Variants in NYAP2 observed in about 807,000 individuals in gnomAD.
NYAP2 encodes neuronal tyrosine-phosphorylated phosphoinositide-3-kinase adapter 2.
In NYAP2, 23 loss-of-function variants were observed where a neutral mutation model predicts 50.4. That is an observed-to-expected ratio of 0.46 (90% CI 0.33 to 0.65). The LOEUF (loss-of-function observed/expected upper bound fraction) is 0.65, where lower values mean the gene tolerates loss of function less well. Among genes scored for constraint, NYAP2 ranks in the 30% least tolerant of loss-of-function variants. The probability of loss-of-function intolerance (pLI) is 0.02; values close to 1 mark genes in which losing one functional copy is unlikely to be tolerated. For synonymous variants in NYAP2, 394 were observed against 365.2 expected, an observed-to-expected ratio of 1.08 and a Z score of -0.90; for missense variants, 885 against 861.0, an observed-to-expected ratio of 1.03 and a Z score of -0.35.
the NYAP2 span, among the ~76,000 whole-genome samples, chr2:225,666,474 GA>G: frequency 9.2e-5 from 14 of 152,250 alleles, no homozygotes; most frequent in African/African-American, 3.1e-4. Context: ...AGACATCAAT[GA>G]AATACATTGA....
intron 3 of NYAP2, among the ~76,000 whole-genome samples, chr2:225,446,268 A>C (rs1375367458): frequency 4.4e-5 from 6 of 135,380 alleles, no homozygotes; most frequent in African/African-American, 1.4e-4. Context: ...ATATATATAT[A>C]TATATATATA....
chr2:225,658,321 C>G (rs115430542), downstream of NYAP2, among the ~76,000 whole-genome samples: 4 of 152,118 alleles, frequency 2.6e-5, no homozygotes, highest in African/African-American at 9.7e-5. Context: ...GGAACACCCC[C>G]CTAAGTTCAC....
rs71062993 is a variant in NYAP2, at chr2:225,589,516, AATATATAT to A, written c.1618+6500_1618+6507del. Among the ~76,000 whole-genome samples, 446 of 71,342 alleles carry A rather than the reference AATATATAT, an allele frequency of 6.3e-3. 27 individuals are homozygous for A. The highest frequency in any genetic ancestry group is 0.024 in the African/African-American group (428 of 18,190). The allele number at this position is 71,342 out of a possible 152,430, so 46.8% of individuals were successfully genotyped here. A position where few individuals can be genotyped will look rare whatever the true frequency, so the allele number is the denominator to read the frequency against. On this transcript the variant is annotated intron_variant, in intron 5 of 6. Coordinates refer to ENST00000636099, the Ensembl canonical transcript of NYAP2. ...AAGACTATATCTCTACTAAAAGTAA[AATATATAT>A]ATATATATATATATATATTTAATAG... is the stretch of plus-strand genomic sequence containing the variant.
In NYAP2 at chr2:225,529,747, G is replaced by A. The variant is rs530412620; in HGVS notation, c.523+16075G>A. On this transcript the variant is annotated intron_variant, in intron 4 of 6. Transcript: ENST00000636099. ...TTTTGAGACGGAGTCTCACTCTGTC[G>A]CCCAGGCTAGGGTGCAGTGGCACTA... Among the ~76,000 whole-genome samples the A allele has an allele frequency of 9.2e-5, 14 of 152,136 alleles. No homozygotes were observed. In the East Asian group the frequency reaches 2.1e-3, roughly 23 times the overall value.
chr2:225,398,979 G>A (rs952615184), upstream of NYAP2, among the ~76,000 whole-genome samples: 1 of 152,010 alleles, frequency 6.6e-6, no homozygotes, highest in Non-Finnish European at 1.5e-5. Context: ...AATTAGACAG[G>A]TGAACTTGTT....
chr2:225,654,142 C>T (rs1693785972), downstream of NYAP2: 1 of 152,186 alleles, frequency 6.6e-6, no homozygotes, highest in Admixed American at 6.5e-5. Flanking sequence ...GACGGCACTG[C>T]CCTGTGCTCA....
At chr2:225,463,126 C>T (rs995843572) in intron 3 of NYAP2, among the ~76,000 whole-genome samples, 9 of 152,240 alleles carry the variant, frequency 5.9e-5, no homozygotes, top group African/African-American at 2.2e-4. Flanking sequence ...ATAGTACATT[C>T]TAACACTGTG....
At chr2:225,472,216 C>CATCA (rs1382650648) in intron 3 of NYAP2, among the ~76,000 whole-genome samples, 1 of 152,206 alleles carries the variant, frequency 6.6e-6, no homozygotes, top group African/African-American at 2.4e-5. Flanking sequence ...AACTAAAATA[C>CATCA]ATCACCTTTG....
intron 4 of NYAP2, among the ~76,000 whole-genome samples, chr2:225,576,346 T>C (rs1300948967): frequency 6.6e-6 from 1 of 152,190 alleles, no homozygotes; most frequent in Non-Finnish European, 1.5e-5. Flanking sequence ...TGTACATGAT[T>C]ACACTTTCTT....
At chr2:225,625,852 A>G (rs148192318) in intron 5 of NYAP2, among the ~76,000 whole-genome samples, 87 of 152,350 alleles carry the variant, frequency 5.7e-4, no homozygotes, top group African/African-American at 2.0e-3. Context: ...TCATTTTGGC[A>G]GTATAAGGAG....
intron 4 of NYAP2, among the ~76,000 whole-genome samples, chr2:225,578,787 C>T (rs78781233): frequency 0.021 from 3,150 of 152,158 alleles, 51 homozygotes; most frequent in Non-Finnish European, 0.029. Context: ...AAATGTTCAT[C>T]GTTCATCTGT....
At chr2:225,419,841 T>C (rs934119832) in intron 3 of NYAP2, among the ~76,000 whole-genome samples, 4 of 152,162 alleles carry the variant, frequency 2.6e-5, no homozygotes, top group Admixed American at 6.5e-5. Context: ...TAGAAAGCAA[T>C]ACAGGGGAAG....
intron 6 of NYAP2, among the ~76,000 whole-genome samples, chr2:225,628,203 G>A (rs1043883530): frequency 4.0e-5 from 6 of 151,586 alleles, no homozygotes; most frequent in African/African-American, 1.5e-4. Flanking sequence ...TTTGGCCAAA[G>A]GAATACTATA....
intron 3 of NYAP2, among the ~76,000 whole-genome samples, chr2:225,410,697 C>A (rs1441762969): frequency 1.3e-5 from 2 of 152,100 alleles, no homozygotes; most frequent in Non-Finnish European, 2.9e-5. Flanking sequence ...TATCACTCTA[C>A]TACTAGCTTC....
intron 3 of NYAP2, among the ~76,000 whole-genome samples, chr2:225,432,778 G>A (rs1689290234): frequency 6.6e-6 from 1 of 152,138 alleles, no homozygotes; most frequent in Admixed American, 6.5e-5. Flanking sequence ...TCTCCACCAT[G>A]TTTTAGGTTC....
intron 3 of NYAP2, among the ~76,000 whole-genome samples, chr2:225,446,266 A>G (rs868821354): frequency 1.5e-5 from 2 of 137,350 alleles, no homozygotes; most frequent in Non-Finnish European, 3.1e-5. Flanking sequence ...ATATATATAT[A>G]TATATATATA....
At chr2:225,601,556 CTTTTG>C (rs1327725774) in intron 5 of NYAP2, among the ~76,000 whole-genome samples, 1 of 152,088 alleles carries the variant, frequency 6.6e-6, no homozygotes, top group African/African-American at 2.4e-5. Context: ...AACATTTGTT[CTTTTG>C]TTTTGTTTTA....
At chr2:225,646,612 G>A (rs1292451229) in intron 6 of NYAP2, among the ~76,000 whole-genome samples, 8 of 152,194 alleles carry the variant, frequency 5.3e-5, no homozygotes, top group Non-Finnish European at 1.0e-4. Flanking sequence ...GTATGTGTGT[G>A]TGTCTGTGTG....
chr2:225,440,073 A>G (rs550691330), intron 3 of NYAP2, among the ~76,000 whole-genome samples: 73 of 152,322 alleles, frequency 4.8e-4, no homozygotes, highest in African/African-American at 1.5e-3. Flanking sequence ...CCATGATTCA[A>G]TTACCTCCAC....
Sources: allele counts gnomAD v4.1 joint callset (sites outside exome capture counted in the v4.1 genomes callset), GRCh38; gene constraint gnomAD v4.1.1; transcripts MANE v1.5; gene names NCBI Gene and HGNC (gene_info 2026-07-23, HGNC 2026-07-21).